Variants in RANBP2 observed in about 807,000 individuals in gnomAD.
RANBP2 encodes RAN binding protein 2, also known as E3 SUMO-protein ligase RanBP2.
Under a neutral mutation model 303.6 loss-of-function variants are expected in RANBP2, and 57 were observed. The ratio of observed to expected loss-of-function variants is 0.19; its 90% CI spans 0.15 to 0.23. RANBP2 has a LOEUF of 0.23. Ranked by LOEUF, RANBP2 falls within the 10% of genes least tolerant of loss-of-function variation. The pLI is 1.00. For synonymous variants in RANBP2, 1,167 were observed against 1,301.5 expected, an observed-to-expected ratio of 0.90 and a Z score of 2.23; for missense variants, 3,138 against 3,780.8, an observed-to-expected ratio of 0.83 and a Z score of 4.46.
At position 108,723,747 on chromosome 2, in the gene RANBP2, G is replaced by A. The variant is rs1332740104; in HGVS notation, c.72+4069G>A. ...TGCATTTGAATTGCCCTTGTTGTGC[G>A]GTTTTGTTTTTCCTGGACTGAATAA... On this transcript the variant is annotated intron_variant, in intron 1 of 28. Coordinates refer to ENST00000283195, the MANE Select transcript of RANBP2 (RefSeq NM_006267.5). Among the ~76,000 whole-genome samples, 13 of 151,946 alleles carry A rather than the reference G, an allele frequency of 8.6e-5. No individual in the cohort carries two copies. The South Asian group carries it at 1.7e-3, about 19-fold the overall frequency.
chr2:109,490,017 C>T, the RANBP2 span, among the ~76,000 whole-genome samples: 3 of 152,188 alleles, frequency 2.0e-5, no homozygotes. Flanking sequence ...AGATTACAGG[C>T]ATGAGCCACC....
the RANBP2 span, among the ~76,000 whole-genome samples, chr2:109,719,487 A>G: frequency 6.7e-6 from 1 of 149,228 alleles, no homozygotes; most frequent in African/African-American, 2.5e-5. Context: ...GCTCACTGCA[A>G]CCTCTGGCTC....
the RANBP2 span, among the ~76,000 whole-genome samples, chr2:108,827,023 T>A: frequency 6.0e-4 from 91 of 152,360 alleles, no homozygotes; most frequent in African/African-American, 2.1e-3. Context: ...AATCATGTTC[T>A]TAAATTCATT....
the RANBP2 span, among the ~76,000 whole-genome samples, chr2:109,119,141 C>T: frequency 6.6e-6 from 1 of 152,206 alleles, no homozygotes; most frequent in African/African-American, 2.4e-5. Flanking sequence ...TGCTAAGACA[C>T]TTTGTCAGGC....
the RANBP2 span, among the ~76,000 whole-genome samples, chr2:108,893,817 A>G: frequency 6.6e-6 from 1 of 152,172 alleles, no homozygotes; most frequent in Non-Finnish European, 1.5e-5. Flanking sequence ...CCTTGTAGCC[A>G]AGGATAATTG....
chr2:109,175,326 G>GT, the RANBP2 span, among the ~76,000 whole-genome samples: 1 of 152,178 alleles, frequency 6.6e-6, no homozygotes, highest in Non-Finnish European at 1.5e-5. Flanking sequence ...TGTCTGAGGG[G>GT]TTTGTATTTC....
chr2:109,544,015 G>C, the RANBP2 span: 12 of 752,128 alleles, frequency 1.6e-5, no homozygotes, highest in Non-Finnish European at 2.3e-5. Flanking sequence ...CAAAGGTGTC[G>C]GGTGGGGAAT....
the RANBP2 span, among the ~76,000 whole-genome samples, chr2:109,246,013 A>G: frequency 6.6e-6 from 1 of 152,278 alleles, no homozygotes; most frequent in African/African-American, 2.4e-5. Context: ...AAACAAAAAA[A>G]GAGCATGGAT....
the RANBP2 span, among the ~76,000 whole-genome samples, chr2:108,978,288 C>A: frequency 6.6e-6 from 1 of 152,196 alleles, no homozygotes; most frequent in Non-Finnish European, 1.5e-5. Context: ...GTTAAATACA[C>A]CATCCATGTC....
chr2:109,545,622 A>C, the RANBP2 span: 6 of 1,528,366 alleles, frequency 3.9e-6, no homozygotes, highest in Non-Finnish European at 4.4e-6. Flanking sequence ...TTAATTCAAT[A>C]AAATACTATC....
Position 108,785,691 on chromosome 2 carries a change from T to C in RANBP2, c.*1790T>C, listed in dbSNP as rs1678575525. On this transcript the variant is annotated 3_prime_UTR_variant, in exon 29 of 29. Coordinates refer to ENST00000283195, the MANE Select transcript of RANBP2 (RefSeq NM_006267.5). ...TCAGGAAAGGACTTTGATTTCTCTT[T>C]GTTATTTAATCACTGATGTGGTCTA... The C allele has an allele frequency of 6.6e-6, 1 of 152,244 alleles. No individual in the cohort carries two copies. Among genetic ancestry groups the C allele is most frequent in the Admixed American group, 6.5e-5 (1 of 15,286 alleles). 9.4% of individuals were successfully genotyped at this position (152,244 alleles called of 1,614,324 possible). A position where few individuals can be genotyped will look rare whatever the true frequency, so the allele number is the denominator to read the frequency against.
At chr2:109,533,543 G>C in the RANBP2 span, among the ~76,000 whole-genome samples, 1,659 of 152,240 alleles carry the variant, frequency 0.011, 12 homozygotes, top group Non-Finnish European at 0.019. Context: ...ATGGGTAAAG[G>C]TTCAATATCA....
At chr2:109,172,762 A>G in the RANBP2 span, among the ~76,000 whole-genome samples, 39 of 152,236 alleles carry the variant, frequency 2.6e-4, no homozygotes, top group African/African-American at 9.2e-4. Flanking sequence ...TGTCCTAGCT[A>G]AGAAACCAAA....
the RANBP2 span, among the ~76,000 whole-genome samples, chr2:109,680,932 A>C: frequency 1.3e-5 from 2 of 152,340 alleles, no homozygotes; most frequent in East Asian, 3.9e-4. Flanking sequence ...TGAAAGTTAA[A>C]CATTCACCCA....
chr2:109,227,002 G>A, the RANBP2 span, among the ~76,000 whole-genome samples: 2 of 152,116 alleles, frequency 1.3e-5, no homozygotes, highest in South Asian at 4.1e-4. Context: ...CTAGCTCTGG[G>A]TCCCACCAAG....
chr2:109,319,581 C>T, the RANBP2 span, among the ~76,000 whole-genome samples: 1,275 of 152,342 alleles, frequency 8.4e-3, 14 homozygotes, highest in East Asian at 0.044. Context: ...CAGTGGGGCT[C>T]GTTCCAGAAC....
chr2:108,902,362 C>T, the RANBP2 span, among the ~76,000 whole-genome samples: 6 of 152,008 alleles, frequency 3.9e-5, no homozygotes, highest in African/African-American at 1.5e-4. Flanking sequence ...GGTGACATAG[C>T]GAGACTCCAT....
the RANBP2 span, among the ~76,000 whole-genome samples, chr2:109,511,659 T>C: frequency 0.87 from 132,732 of 152,262 alleles, 58,263 homozygotes; most frequent in East Asian, 0.96. Flanking sequence ...GTTCTAGCCC[T>C]GCTTCTGCCT....
At chr2:108,924,980 C>T in the RANBP2 span, among the ~76,000 whole-genome samples, 2 of 152,236 alleles carry the variant, frequency 1.3e-5, no homozygotes, top group Non-Finnish European at 2.9e-5. Context: ...CCTAGGTGGC[C>T]ACCTGCTCCC....
Sources: gnomAD v4.1 joint callset for allele counts (sites outside exome capture counted in the v4.1 genomes callset) on GRCh38, gnomAD v4.1.1 for gene constraint, MANE v1.5 for transcripts, NCBI Gene and HGNC (gene_info 2026-07-23, HGNC 2026-07-21) for gene names.